Variants in NACA observed in about 807,000 individuals in gnomAD.
The protein encoded by NACA is nascent polypeptide associated complex subunit alpha, also known as nascent polypeptide-associated complex subunit alpha.
Under a neutral mutation model 86.4 loss-of-function variants are expected in NACA, and 42 were observed. The observed-to-expected ratio is 0.49, with a 90% CI of 0.38 to 0.63. The LOEUF (loss-of-function observed/expected upper bound fraction) is 0.63, where lower values mean the gene tolerates loss of function less well. NACA is among the 20% of genes least tolerant of loss of function. NACA has a pLI of 0.00. For synonymous variants in NACA, 898 were observed against 973.7 expected (o/e 0.92, Z 1.45); for missense variants, 2,157 against 2,483.6 (o/e 0.87, Z 2.80).
intron 3 of NACA, among the ~76,000 whole-genome samples, chr12:56,715,264 CTA>C (rs2137803386): frequency 6.6e-6 from 1 of 152,254 alleles, no homozygotes; most frequent in East Asian, 1.9e-4. Flanking sequence ...TGATGATGAC[CTA>C]TATCTCTAGT....
At position 56,718,982 on chromosome 12, in the gene NACA, G is replaced by T; in HGVS notation, c.2548C>A (p.Pro850Thr). 2 of 1,447,618 alleles carry T rather than the reference G, an allele frequency of 1.4e-6. No individual in the cohort carries two copies. The highest frequency in any genetic ancestry group is 1.9e-6 in the Non-Finnish European group (2 of 1,071,442). The allele number at this position is 1,447,618 out of a possible 1,614,324, so 89.7% of individuals were successfully genotyped here. Residue 850 changes from proline (P) to threonine (T), a missense_variant, in exon 3 of 9, where the codon CCA (proline) becomes ACA (threonine). Physicochemically the swap from Pro to Thr is conservative, Grantham distance 38 (BLOSUM62 -1). Transcript: ENST00000454682. The part of the protein sequence containing the change: ...SLSFQGSKDS[P>T]ATTHSPTPPS... ...GGAGTGGGAGAATGCGTCGTGGCTGGTGAGTCTTTAGAGCCTTGGAAAGAA... is the reference window on the plus strand; with the variant it reads ...GGAGTGGGAGAATGCGTCGTGGCTGTTGAGTCTTTAGAGCCTTGGAAAGAA...
At chr12:56,712,712 T>C (rs1953251460) in intron 8 of NACA, 74 bp downstream of exon 8, 1 of 1,608,158 alleles carries the variant, frequency 6.2e-7, no homozygotes, top group African/African-American at 1.3e-5. Context: ...GGCTGATATT[T>C]AGCAAGACAA....
intron 2 of NACA, among the ~76,000 whole-genome samples, chr12:56,723,544 C>T (rs1463346634): frequency 6.6e-6 from 1 of 152,092 alleles, no homozygotes; most frequent in East Asian, 1.9e-4. Flanking sequence ...TTCCTAGCAG[C>T]TGTATTAATC....
chr12:56,721,445 A>C lies in NACA; in HGVS notation c.85T>G (p.Ser29Ala). ...PQAETAVLPMSSALSVTAALG... is the reference protein window; with the variant it reads ...PQAETAVLPMASALSVTAALG... ...GCAGCAGTGACACTCAAGGCTGAAGACATAGGTAGCACAGCTGGAGAAAGG... is the reference window on the plus strand; with the variant it reads ...GCAGCAGTGACACTCAAGGCTGAAGCCATAGGTAGCACAGCTGGAGAAAGG... The change falls in exon 3 of 9, where the codon TCT (serine) becomes GCT (alanine). Residue 29 changes from serine to alanine, a missense_variant. This residue lies in a region of NACA where 947 missense variants were observed against 917.9 expected (regional missense o/e 1.03). Coordinates refer to ENST00000454682, the MANE Select transcript of NACA (RefSeq NM_001365896.1). 6.6e-7 allele frequency: 1 copy of C among 1,510,212 alleles called. No individual in the cohort carries two copies. The highest frequency in any genetic ancestry group is 1.3e-5 in the South Asian group (1 of 76,650). 93.6% of individuals were successfully genotyped at this position (1,510,212 alleles called of 1,614,324 possible). A position where few individuals can be genotyped will look rare whatever the true frequency, so the allele number is the denominator to read the frequency against.
At chr12:56,725,115 C>T (rs1254925279) in intron 1 of NACA, 148 bp downstream of exon 1, 2 of 152,626 alleles carry the variant, frequency 1.3e-5, no homozygotes, top group Admixed American at 6.5e-5. Context: ...CCGCAGACCC[C>T]ATTTTGTCCG....
intron 5 of NACA, 24 bp downstream of exon 5, chr12:56,714,337 TC>T (rs769884631): frequency 6.2e-7 from 1 of 1,610,354 alleles, no homozygotes; most frequent in Non-Finnish European, 8.5e-7. Context: ...CTTCATAAGA[TC>T]CTGAAATCCT....
At chr12:56,714,785 T>G (rs1455221792) in intron 3 of NACA, 98 bp from the exon 4 acceptor site, 39 of 1,087,062 alleles carry the variant, frequency 3.6e-5, no homozygotes, top group Non-Finnish European at 5.0e-5. Context: ...TGCCTCATGC[T>G]AGACCTAAGA....
rs774217855 is a variant in NACA, at chr12:56,716,853, T to C, written c.4677A>G (p.Lys1559=). The stretch of plus-strand genomic sequence containing the variant: ...TGGGGGTTGGAATTGCTGGGGTCTT[T>C]TTAGGGGAGGGAACAGTCATAGCTG... ...IPPAMTVPSP[K]KTPAIPTPKE... Residue 1559 remains lysine (K), a synonymous_variant, in exon 3 of 9, where the codon AAA becomes AAG. Transcript: ENST00000454682. The C allele has an allele frequency of 2.0e-5, 27 of 1,323,330 alleles. No individual in the cohort carries two copies. The African/African-American group carries it at 3.8e-4, about 19-fold the overall frequency. 82.0% of individuals were successfully genotyped at this position (1,323,330 alleles called of 1,614,324 possible). A position where few individuals can be genotyped will look rare whatever the true frequency, so the allele number is the denominator to read the frequency against.
chr12:56,721,614 G>C (rs1953579347), intron 2 of NACA, among the ~76,000 whole-genome samples, 155 bp from the exon 3 acceptor site: 1 of 152,184 alleles, frequency 6.6e-6, no homozygotes, highest in Non-Finnish European at 1.5e-5. Flanking sequence ...AAAGGTGACA[G>C]GCAACAACAA....
chr12:56,713,692 G>T lies in NACA; in HGVS notation c.5824-9C>A. On this transcript the variant is annotated splice_polypyrimidine_tract_variant and intron_variant, in intron 5 of 8. Coordinates refer to ENST00000454682, the MANE Select transcript of NACA (RefSeq NM_001365896.1). ...CCCAGTTTGGACATAGCCTAAAGAA[G>T]AGAAAATAGTATCAGGTTTTCAACC... 2 of 1,613,080 alleles carry T rather than the reference G, an allele frequency of 1.2e-6. No homozygotes were observed. Among genetic ancestry groups the T allele is most frequent in the Non-Finnish European group, 1.7e-6 (2 of 1,179,532 alleles).
chr12:56,719,130 A>G lies in NACA; in HGVS notation c.2400T>C (p.Ser800=), dbSNP rs377000958. The change falls in exon 3 of 9, where the codon AGT becomes AGC. Residue 800 remains serine, a synonymous_variant. Coordinates refer to ENST00000454682, the MANE Select transcript of NACA (RefSeq NM_001365896.1). ...GAGGTCTTTTAGTCTGAGGAGACAC[A>G]CTAACCCCTAAAGGAGATGGGGAAT... ...LADSPSPLGV[S]VSPQTKRPPT... The G allele has an allele frequency of 1.3e-4, 186 of 1,457,266 alleles. 1 individual carries two copies. The highest frequency in any genetic ancestry group is 4.9e-4 in the Admixed American group (27 of 55,198). The allele number at this position is 1,457,266 out of a possible 1,614,324, so 90.3% of individuals were successfully genotyped here. A position where few individuals can be genotyped will look rare whatever the true frequency, so the allele number is the denominator to read the frequency against.
Position 56,721,240 on chromosome 12 carries a change from G to A in NACA, c.290C>T (p.Pro97Leu). 1 of 1,613,810 alleles carries A rather than the reference G, an allele frequency of 6.2e-7. No homozygotes were observed. Among genetic ancestry groups the A allele is most frequent in the East Asian group, 2.2e-5 (1 of 44,874 alleles). ...GTTTGGTAGGAAGGTTGGGGCTTCA[G>A]GGGCAGTTCCCAAAGGTAGGGCTGT... Reference protein sequence around the residue: ...SGTALPLGTAPEAPTFLPNLI... With the variant: ...SGTALPLGTALEAPTFLPNLI... Residue 97 changes from proline to leucine, a missense_variant, in exon 3 of 9, where the codon CCT becomes CTT. Pro to Leu is a moderately conservative substitution (Grantham distance 98, BLOSUM62 -3). Transcript: ENST00000454682.
intron 1 of NACA, 37 bp from the exon 2 acceptor site, chr12:56,724,560 T>C (rs1048503770): frequency 6.3e-7 from 1 of 1,587,694 alleles, no homozygotes; most frequent in Non-Finnish European, 8.6e-7. Context: ...CTAAATTGAT[T>C]GGGATACATT....
intron 2 of NACA, among the ~76,000 whole-genome samples, chr12:56,722,642 C>G (rs906472493): frequency 6.6e-6 from 1 of 152,148 alleles, no homozygotes; most frequent in Non-Finnish European, 1.5e-5. Context: ...GAGCCAAGAT[C>G]GCGCTACTGC....
rs200033251 is a variant in NACA, at chr12:56,716,661, G to A, written c.4869C>T (p.Ser1623=). The change falls in exon 3 of 9, where the codon TCC becomes TCT. Residue 1623 remains serine, a synonymous_variant. Transcript: ENST00000454682. ...CTGGAGTTGCTGGGCCCTTTTCGGGGGATGGAGGAGTCACAGCTGGAGGAG... is the reference window on the plus strand; with the variant it reads ...CTGGAGTTGCTGGGCCCTTTTCGGGAGATGGAGGAGTCACAGCTGGAGGAG... ...APTPPAVTPP[S]PEKGPATPAP... The A allele has an allele frequency of 2.0e-4, 289 of 1,434,984 alleles. No individual in the cohort carries two copies. The African/African-American group carries it at 3.7e-3, about 18-fold the overall frequency. 88.9% of individuals were successfully genotyped at this position (1,434,984 alleles called of 1,614,324 possible).
intron 5 of NACA, 181 bp downstream of exon 5, chr12:56,714,180 TA>T: frequency 1.7e-6 from 1 of 597,568 alleles, no homozygotes; most frequent in Non-Finnish European, 2.9e-6. Context: ...CTACCACTAC[TA>T]AGAATTGGGT....
At position 56,716,327 on chromosome 12, in the gene NACA, G is replaced by C; in HGVS notation, c.5203C>G (p.Pro1735Ala). 6.2e-7 allele frequency: 1 copy of C among 1,612,860 alleles called. No homozygotes were observed. The highest frequency in any genetic ancestry group is 8.5e-7 in the Non-Finnish European group (1 of 1,179,702). The change falls in exon 3 of 9, where the codon CCA (proline) becomes GCA (alanine). Residue 1735 changes from proline (P) to alanine (A), a missense_variant. Physicochemically the swap from Pro to Ala is conservative, Grantham distance 27 (BLOSUM62 -1). Around this residue, in one of 8 missense-constraint regions of NACA, gnomAD observed 797 missense variants for 777.6 expected, o/e 1.02. Coordinates refer to ENST00000454682, the MANE Select transcript of NACA (RefSeq NM_001365896.1). The part of the protein sequence containing the change: ...GSKGPLSTVA[P>A]APLLPVQKDS... ...TTCTGAACAGGGAGTAGAGGGGCTG[G>C]AGCCACTGTGGAAAGGGGTCCTTTA... is the stretch of plus-strand genomic sequence containing the variant.
chr12:56,714,260 A>G (rs1953288047), intron 5 of NACA, 102 bp downstream of exon 5: 1 of 1,255,494 alleles, frequency 8.0e-7, no homozygotes, highest in Non-Finnish European at 1.1e-6. Context: ...ACTTACTTGT[A>G]TAACCAAAAT....
chr12:56,724,756 TC>T lies in NACA; in HGVS notation c.-2-234del, dbSNP rs1334569356. ...TGCATTCTCAACCCGAGGGAGAGGATCCCGGGCTGGCTCTCGATCATGGGAG... is the reference window on the plus strand; with the variant it reads ...TGCATTCTCAACCCGAGGGAGAGGATCCGGGCTGGCTCTCGATCATGGGAG... On this transcript the variant is annotated intron_variant, in intron 1 of 8. Coordinates refer to ENST00000454682, the MANE Select transcript of NACA (RefSeq NM_001365896.1). The T allele has an allele frequency of 7.7e-6, 4 of 519,578 alleles. No individual in the cohort carries two copies. In the African/African-American group the frequency reaches 7.8e-5, roughly 10 times the overall value. The allele number at this position is 519,578 out of a possible 1,614,324, so 32.2% of individuals were successfully genotyped here.
Sources: gnomAD v4.1 joint callset for allele counts (sites outside exome capture counted in the v4.1 genomes callset) on GRCh38, gnomAD v4.1.1 for gene constraint, gnomAD v4.1.1 regional missense constraint, MANE v1.5 for transcripts, NCBI Gene and HGNC (gene_info 2026-07-23, HGNC 2026-07-21) for gene names.